Variants in TMTC4 observed in about 807,000 individuals in gnomAD.
TMTC4 encodes the protein transmembrane O-mannosyltransferase targeting cadherins 4, also known as protein O-mannosyl-transferase TMTC4.
Under a neutral mutation model 86.0 loss-of-function variants are expected in TMTC4, and 65 were observed. The ratio of observed to expected loss-of-function variants is 0.76; its 90% CI spans 0.62 to 0.93. The LOEUF is 0.93. Among genes scored for constraint, TMTC4 ranks in the 40% least tolerant of loss-of-function variants. The probability of loss-of-function intolerance (pLI) is 0.00; values close to 1 mark genes in which losing one functional copy is unlikely to be tolerated. For synonymous variants in TMTC4, 379 were observed against 382.5 expected (o/e 0.99, Z 0.11); for missense variants, 866 against 948.1 (o/e 0.91, Z 1.14).
At chr13:100,667,501 A>C (rs1886529645) in intron 3 of TMTC4, among the ~76,000 whole-genome samples, 1 of 152,210 alleles carries the variant, frequency 6.6e-6, no homozygotes, top group African/African-American at 2.4e-5. Context: ...AATGGAGATC[A>C]ACTGCAATAT....
chr13:100,668,600 T>G lies in TMTC4; in HGVS notation c.198A>C (p.Ser66=). The G allele has an allele frequency of 6.2e-7, 1 of 1,614,200 alleles. No individual in the cohort carries two copies. The change falls in exon 3 of 19, where the codon TCA becomes TCC. Residue 66 remains serine, a synonymous_variant. Coordinates refer to ENST00000342624, the MANE Select transcript of TMTC4 (RefSeq NM_032813.5). ...AAACCTTATTGTTAACAATAGCTTC[T>G]GAGTCATCAAAGACAAAGTCTCCAT... ...SYDGDFVFDD[S]EAIVNNKDLQ... is the part of the protein sequence containing the mutation.
chr13:100,672,508 T>A (rs551641716), intron 1 of TMTC4, among the ~76,000 whole-genome samples: 1 of 152,260 alleles, frequency 6.6e-6, no homozygotes, highest in East Asian at 1.9e-4. Context: ...CCCCCTTTTT[T>A]TGAACAGGGT....
chr13:100,627,284 G>A (rs971106436), intron 12 of TMTC4, among the ~76,000 whole-genome samples: 3 of 152,236 alleles, frequency 2.0e-5, no homozygotes, highest in African/African-American at 7.2e-5. Flanking sequence ...TGTCCTCAGA[G>A]CCACGAGGCC....
intron 15 of TMTC4, 29 bp from the exon 16 acceptor site, chr13:100,614,459 T>G: frequency 6.7e-7 from 1 of 1,497,880 alleles, no homozygotes; most frequent in Non-Finnish European, 9.2e-7. Context: ...AAAAAATCAG[T>G]ATTCCAAGTT....
intron 15 of TMTC4, chr13:100,614,824 T>A: frequency 1.6e-6 from 1 of 622,758 alleles, no homozygotes; most frequent in Non-Finnish European, 2.0e-6. Context: ...AGCCTCATCA[T>A]TAGTCTTTTT....
upstream of TMTC4, chr13:100,674,841 C>T: frequency 2.0e-6 from 2 of 975,710 alleles, no homozygotes; most frequent in Non-Finnish European, 2.4e-6. Context: ...GAGGGGCCGC[C>T]CGCCGCGCAC....
At chr13:100,642,442 G>T in intron 6 of TMTC4, 131 bp from the exon 7 acceptor site, 2 of 944,142 alleles carry the variant, frequency 2.1e-6, no homozygotes, top group Non-Finnish European at 1.6e-6. Context: ...GCTTCAGACA[G>T]CACTTCTCTG....
At chr13:100,653,606 C>T (rs975649535) in intron 6 of TMTC4, among the ~76,000 whole-genome samples, 6 of 152,166 alleles carry the variant, frequency 3.9e-5, no homozygotes, top group South Asian at 2.1e-4. Flanking sequence ...CAAGAATCCA[C>T]GTGGCTCTGC....
intron 2 of TMTC4, among the ~76,000 whole-genome samples, chr13:100,669,664 C>A (rs190700237): frequency 6.6e-6 from 1 of 152,180 alleles, no homozygotes; most frequent in African/African-American, 2.4e-5. Context: ...GAGCCCACCC[C>A]CTGCGGCCCT....
intron 10 of TMTC4, among the ~76,000 whole-genome samples, 180 bp from the exon 11 acceptor site, chr13:100,635,375 A>T (rs1882076858): frequency 6.6e-6 from 1 of 152,188 alleles, no homozygotes; most frequent in Non-Finnish European, 1.5e-5. Context: ...TAGCATGTGG[A>T]TAAGGCACAA....
At chr13:100,670,169 G>C in intron 2 of TMTC4, 191 bp downstream of exon 2, 1 of 555,426 alleles carries the variant, frequency 1.8e-6, no homozygotes. Context: ...CTGCTGAGAT[G>C]AAAGAGAATT....
At chr13:100,646,079 T>C (rs1883700621) in intron 6 of TMTC4, among the ~76,000 whole-genome samples, 1 of 152,154 alleles carries the variant, frequency 6.6e-6, no homozygotes, top group Admixed American at 6.5e-5. Flanking sequence ...TGGATCTTAT[T>C]AGACTCAGGC....
chr13:100,644,470 C>A (rs542403902), intron 6 of TMTC4, among the ~76,000 whole-genome samples: 1 of 152,216 alleles, frequency 6.6e-6, no homozygotes, highest in Non-Finnish European at 1.5e-5. Context: ...GAAGGCCTGT[C>A]CCCAGCTGGG....
At chr13:100,606,466 T>C (rs1446600813) in intron 17 of TMTC4, 39 bp from the exon 18 acceptor site, 1 of 1,556,448 alleles carries the variant, frequency 6.4e-7, no homozygotes, top group Admixed American at 1.8e-5. Flanking sequence ...ATATTTATTG[T>C]ACATGAAGCA....
At chr13:100,621,883 C>T (rs190186119) in intron 15 of TMTC4, among the ~76,000 whole-genome samples, 44 of 152,276 alleles carry the variant, frequency 2.9e-4, no homozygotes, top group African/African-American at 1.0e-3. Flanking sequence ...ATCCTCCACC[C>T]CACCCCTATT....
chr13:100,607,548 G>A (rs1426821952), intron 17 of TMTC4, among the ~76,000 whole-genome samples: 2 of 149,450 alleles, frequency 1.3e-5, no homozygotes, highest in Non-Finnish European at 2.9e-5. Flanking sequence ...ATCACACATT[G>A]AGCTTAACCA....
chr13:100,609,194 G>A (rs934391911), intron 17 of TMTC4, among the ~76,000 whole-genome samples: 10 of 152,052 alleles, frequency 6.6e-5, no homozygotes, highest in South Asian at 2.1e-4. Flanking sequence ...CTAACATACC[G>A]GCCAATCTCT....
Position 100,674,792 on chromosome 13 carries a change from C to T in TMTC4, c.-256G>A, listed in dbSNP as rs1362054810. ...CGCATCTCCCTCCCGGGTGCGGAAA[C>T]TCTGGCGGCTCCAGGCACCCGCCCG... On this transcript the variant is annotated 5_prime_UTR_variant, in exon 1 of 19. Coordinates refer to ENST00000342624, the MANE Select transcript of TMTC4 (RefSeq NM_032813.5). The T allele has an allele frequency of 3.0e-6, 3 of 983,762 alleles. No individual in the cohort carries two copies. In the South Asian group the frequency reaches 1.4e-4, roughly 46 times the overall value. 60.9% of individuals were successfully genotyped at this position (983,762 alleles called of 1,614,324 possible). A position where few individuals can be genotyped will look rare whatever the true frequency, so the allele number is the denominator to read the frequency against.
intron 6 of TMTC4, among the ~76,000 whole-genome samples, chr13:100,648,772 C>T (rs1884061415): frequency 6.6e-6 from 1 of 152,232 alleles, no homozygotes; most frequent in African/African-American, 2.4e-5. Flanking sequence ...CTTGACCTCC[C>T]AGGCTCAAGC....
Sources: gnomAD v4.1 joint callset for allele counts (sites outside exome capture counted in the v4.1 genomes callset) on GRCh38, gnomAD v4.1.1 for gene constraint, MANE v1.5 for transcripts, NCBI Gene and HGNC (gene_info 2026-07-23, HGNC 2026-07-21) for gene names.